MACF1: variants seen among roughly 807,000 people sequenced by gnomAD.
The protein encoded by MACF1 is microtubule-actin cross-linking factor 1.
A neutral mutation model predicts 854.8 loss-of-function variants in MACF1; 193 were observed. The observed-to-expected ratio is 0.23, with a 90% confidence interval of 0.20 to 0.25. MACF1 has a LOEUF of 0.25. Among genes scored for constraint, MACF1 ranks in the 10% least tolerant of loss-of-function variants. The pLI, the probability that MACF1 is intolerant of heterozygous loss-of-function variation, is 1.00. For missense variants in MACF1, 7,722 were observed against 8,929.1 expected (o/e 0.86, Z 5.45); for synonymous variants, 3,185 against 3,226.7 (o/e 0.99, Z 0.44).
chr1:39,440,115 T>TCTTTTCTTTC (rs200307058), intron 72 of MACF1, among the ~76,000 whole-genome samples: 5 of 135,998 alleles, frequency 3.7e-5, no homozygotes, highest in African/African-American at 1.5e-4. Context: ...TCTTTTCTTT[T>TCTTTTCTTTC]TTTTTTTTTT....
intron 2 of MACF1, among the ~76,000 whole-genome samples, chr1:39,239,284 A>AAAACAAAC (rs113965164): frequency 3.3e-5 from 5 of 150,634 alleles, no homozygotes; most frequent in Admixed American, 1.3e-4. Context: ...CTGTCTCAAA[A>AAAACAAAC]AAACAAACAA....
chr1:39,128,441 G>A (rs997345444), intron 2 of MACF1, among the ~76,000 whole-genome samples: 3 of 152,180 alleles, frequency 2.0e-5, no homozygotes, highest in East Asian at 1.9e-4. Flanking sequence ...GGTGGCTCAC[G>A]CCTGTAATCC....
intron 61 of MACF1, among the ~76,000 whole-genome samples, chr1:39,425,858 T>C (rs1643709225): frequency 6.6e-6 from 1 of 152,332 alleles, no homozygotes; most frequent in South Asian, 2.1e-4. Flanking sequence ...CTTAAAGTCA[T>C]GGTTTGTTTA....
chr1:39,455,980 C>T (rs1644428969), intron 89 of MACF1, among the ~76,000 whole-genome samples: 1 of 151,990 alleles, frequency 6.6e-6, no homozygotes. Flanking sequence ...ACAGATAGTC[C>T]CTGACTTACA....
At chr1:39,449,032 C>T (rs1644282367) in intron 84 of MACF1, among the ~76,000 whole-genome samples, 1 of 152,298 alleles carries the variant, frequency 6.6e-6, no homozygotes, top group South Asian at 2.1e-4. Context: ...TGTAAATCAT[C>T]AATTTGTAAT....
chr1:39,335,809 T>C lies in MACF1; in HGVS notation c.9221T>C (p.Val3074Ala), dbSNP rs200856426. ...TCTAAACAGGCCAATGAAGGAAAAG[T>C]AAACAATTTAAGTCTCTGCTTGACT... is the stretch of plus-strand genomic sequence containing the variant. ...FSSKQANEGK[V>A]NNLSLCLTLK... Residue 3074 changes from valine to alanine, a missense_variant, in exon 37 of 101, where the codon GTA becomes GCA. Val to Ala is a moderately conservative substitution (Grantham distance 64). Coordinates refer to ENST00000564288, the MANE Select transcript of MACF1 (RefSeq NM_001394062.1). 3.0e-5 allele frequency: 49 copies of C among 1,613,966 alleles called. No homozygotes were observed. Among genetic ancestry groups the C allele is most frequent in the Non-Finnish European group, 4.1e-5 (48 of 1,179,994 alleles).
chr1:39,301,417 C>T (rs1161312073), intron 22 of MACF1, among the ~76,000 whole-genome samples: 2 of 150,370 alleles, frequency 1.3e-5, no homozygotes, highest in East Asian at 2.0e-4. Context: ...TGAGCCACCG[C>T]GCCCAGCCTA....
At chr1:39,400,513 T>G (rs1459894652) in intron 58 of MACF1, among the ~76,000 whole-genome samples, 1 of 152,000 alleles carries the variant, frequency 6.6e-6, no homozygotes, top group Non-Finnish European at 1.5e-5. Context: ...TTTGTTTGTT[T>G]GTTTGTTTTT....
intron 91 of MACF1, among the ~76,000 whole-genome samples, chr1:39,459,649 G>A (rs1644512089): frequency 1.3e-5 from 2 of 152,164 alleles, no homozygotes; most frequent in Admixed American, 1.3e-4. Flanking sequence ...ACAGAATTAT[G>A]AAATAGGAGT....
intron 70 of MACF1, chr1:39,436,510 T>A (rs1199300118): frequency 1.9e-6 from 3 of 1,612,286 alleles, no homozygotes; most frequent in Non-Finnish European, 2.5e-6. Flanking sequence ...CCATCCCCAT[T>A]GGGACTAGGG....
chr1:39,241,568 G>A (rs2148322241), intron 2 of MACF1, among the ~76,000 whole-genome samples: 1 of 149,270 alleles, frequency 6.7e-6, no homozygotes, highest in Middle Eastern at 3.5e-3. Context: ...GCTGAGGCAG[G>A]AGAATCGCTT....
Position 39,105,703 on chromosome 1 carries a change from T to C in MACF1, c.220+21265T>C, listed in dbSNP as rs1642212036. On this transcript the variant is annotated intron_variant, in intron 2 of 93. Transcript: ENST00000361689. This position sits in a 1 kb window ranked among gnomAD's most constrained non-coding sequence, Gnocchi z 5.9. ...TTCGTGCAGGCGTACGAGGATGTGCTGGAGCGGTACAAAGGTAGGGCCGGG... is the reference window on the plus strand; with the variant it reads ...TTCGTGCAGGCGTACGAGGATGTGCCGGAGCGGTACAAAGGTAGGGCCGGG... The C allele has an allele frequency of 1.6e-6, 2 of 1,226,686 alleles. No homozygotes were observed. The highest frequency in any genetic ancestry group is 1.6e-5 in the African/African-American group (1 of 61,368). 76.0% of individuals were successfully genotyped at this position (1,226,686 alleles called of 1,614,324 possible).
chr1:39,254,103 T>C, intron 4 of MACF1, 195 bp from the exon 5 acceptor site: 1 of 565,236 alleles, frequency 1.8e-6, no homozygotes, highest in Non-Finnish European at 3.2e-6. Flanking sequence ...CACAAGACAT[T>C]TGGGGACCTC....
chr1:39,427,667 G>T, intron 62 of MACF1, 53 bp downstream of exon 62: 1 of 1,560,282 alleles, frequency 6.4e-7, no homozygotes, highest in South Asian at 1.2e-5. Context: ...AGAAATCCTA[G>T]AAATGAGTAA....
At chr1:39,346,851 A>C (rs1013944286) in intron 40 of MACF1, 126 bp from the exon 41 acceptor site, 3 of 687,416 alleles carry the variant, frequency 4.4e-6, no homozygotes, top group Admixed American at 5.6e-5. Context: ...TGGCCCTAGA[A>C]TCATTAGTGC....
intron 61 of MACF1, among the ~76,000 whole-genome samples, chr1:39,424,889 A>G (rs1643675351): frequency 6.6e-6 from 1 of 151,968 alleles, no homozygotes; most frequent in Non-Finnish European, 1.5e-5. Context: ...TATCCTTTAC[A>G]TTTCCTAGGT....
chr1:39,146,682 T>C (rs1643471765), intron 2 of MACF1, among the ~76,000 whole-genome samples: 1 of 150,872 alleles, frequency 6.6e-6, no homozygotes, highest in Admixed American at 6.6e-5. Context: ...AGTAGAAAGA[T>C]GGTTACCAGA....
intron 2 of MACF1, among the ~76,000 whole-genome samples, chr1:39,168,214 G>A (rs1643902068): frequency 6.6e-6 from 1 of 152,210 alleles, no homozygotes; most frequent in African/African-American, 2.4e-5. Flanking sequence ...ACTTTTTACA[G>A]ATAGATTTGA....
At chr1:39,249,455 C>T (rs1342568699) in intron 2 of MACF1, among the ~76,000 whole-genome samples, 1 of 152,102 alleles carries the variant, frequency 6.6e-6, no homozygotes, top group East Asian at 1.9e-4. Context: ...CACTTTCTCC[C>T]AAAGTGAGAT....
Sources: allele counts gnomAD v4.1 joint callset (sites outside exome capture counted in the v4.1 genomes callset), GRCh38; gene constraint gnomAD v4.1.1; non-coding constraint Gnocchi (gnomAD v3.1); transcripts MANE v1.5; gene names NCBI Gene and HGNC (gene_info 2026-07-23, HGNC 2026-07-21).